The following CRYBG1 variants were observed in gnomAD, a reference collection of about 807,000 sequenced individuals.
CRYBG1 encodes beta/gamma crystallin domain-containing protein 1.
A neutral mutation model predicts 189.2 loss-of-function variants in CRYBG1; 139 were observed. That is an observed-to-expected ratio of 0.73 (90% CI 0.64 to 0.85). The LOEUF is 0.85. Among genes scored for constraint, CRYBG1 ranks in the 40% least tolerant of loss-of-function variants. CRYBG1 has a pLI of 0.00. For missense variants in CRYBG1, 2,611 were observed against 2,675.8 expected (o/e 0.98, Z 0.53); for synonymous variants, 1,023 against 1,017.1 (o/e 1.01, Z -0.11).
At position 106,512,997 on chromosome 6, in the gene CRYBG1, A is replaced by G. The variant is rs1299382250; in HGVS notation, c.1880A>G (p.His627Arg). 4 of 1,609,506 alleles carry G rather than the reference A, an allele frequency of 2.5e-6. No individual in the cohort carries two copies. The highest frequency in any genetic ancestry group is 2.2e-5 in the East Asian group (1 of 44,874). ...GCCGACGGCTTGAAGCCCAGGAACC[A>G]TTTCGGCGTGGGCAGGTCGACAGTG... is the stretch of plus-strand genomic sequence containing the variant. Reference protein sequence around the residue: ...SDADGLKPRNHFGVGRSTVTT... With the variant: ...SDADGLKPRNRFGVGRSTVTT... The change falls in exon 3 of 22, where the codon CAT (histidine) becomes CGT (arginine). Residue 627 changes from histidine to arginine, a missense_variant. Around this residue, in one of 3 missense-constraint regions of CRYBG1, gnomAD observed 985 missense variants for 924.4 expected, o/e 1.07. Transcript: ENST00000633556.
Position 106,519,915 on chromosome 6 carries a change from A to G in CRYBG1, c.2707A>G (p.Lys903Glu), listed in dbSNP as rs764616273. 32 of 1,614,056 alleles carry G rather than the reference A, an allele frequency of 2.0e-5. No individual in the cohort carries two copies. Among genetic ancestry groups the G allele is most frequent in the Non-Finnish European group, 2.7e-5 (32 of 1,180,044 alleles). The stretch of plus-strand genomic sequence containing the variant: ...AAGCAGTTTCCCATGCACTGATCTA[A>G]AAGTGTCAGAAAACCATAAAGGATG... ...PISSFPCTDL[K>E]VSENHKGCVL... is the part of the protein sequence containing the mutation. Residue 903 changes from lysine to glutamate, a missense_variant, in exon 4 of 22, where the codon AAA becomes GAA. Physicochemically the swap from Lys to Glu is moderately conservative, Grantham distance 56. Coordinates refer to ENST00000633556, the MANE Select transcript of CRYBG1 (RefSeq NM_001371242.2).
At chr6:106,539,860 A>G (rs931125159) in intron 9 of CRYBG1, among the ~76,000 whole-genome samples, 1 of 152,230 alleles carries the variant, frequency 6.6e-6, no homozygotes, top group African/African-American at 2.4e-5. Flanking sequence ...AAACAGGACA[A>G]AGATACATAC....
chr6:106,538,120 G>A (rs992242720), intron 8 of CRYBG1, among the ~76,000 whole-genome samples: 2 of 151,796 alleles, frequency 1.3e-5, no homozygotes, highest in African/African-American at 2.4e-5. Flanking sequence ...AAAACTAACC[G>A]AATTGATGAG....
At chr6:106,418,373 G>T (rs1771063985) in intron 1 of CRYBG1, among the ~76,000 whole-genome samples, 1 of 152,262 alleles carries the variant, frequency 6.6e-6, no homozygotes, top group South Asian at 2.1e-4. Context: ...TCTGGGACCA[G>T]CAGTCTGATC....
chr6:106,386,244 G>A (rs916558447), intron 1 of CRYBG1, among the ~76,000 whole-genome samples: 1 of 152,006 alleles, frequency 6.6e-6, no homozygotes, highest in African/African-American at 2.4e-5. Flanking sequence ...CTAATCACTG[G>A]GTCTTTCCCC....
At chr6:106,420,860 G>A (rs916072103) in intron 1 of CRYBG1, 2 of 152,198 alleles carry the variant, frequency 1.3e-5, no homozygotes, top group African/African-American at 4.8e-5. Context: ...TTACATTTTT[G>A]GTAAGCCTCT....
At chr6:106,374,879 A>G (rs1360234735) in intron 1 of CRYBG1, among the ~76,000 whole-genome samples, 1 of 152,244 alleles carries the variant, frequency 6.6e-6, no homozygotes, top group Non-Finnish European at 1.5e-5. Context: ...TAAATTAAAC[A>G]TGTACTTACG....
chr6:106,482,191 C>A (rs1332238166), intron 2 of CRYBG1, among the ~76,000 whole-genome samples: 1 of 152,200 alleles, frequency 6.6e-6, no homozygotes, highest in African/African-American at 2.4e-5. Flanking sequence ...TTGTAGAACT[C>A]ATAGCAACTT....
intron 1 of CRYBG1, chr6:106,449,270 T>A (rs1771730888): frequency 6.6e-6 from 1 of 152,208 alleles, no homozygotes; most frequent in East Asian, 1.9e-4. Flanking sequence ...ATCTCTCTTG[T>A]CACTTGGAGT....
chr6:106,544,670 G>A lies in CRYBG1; in HGVS notation c.5139G>A (p.Glu1713=). The A allele has an allele frequency of 6.2e-7, 1 of 1,614,106 alleles. No homozygotes were observed. Among genetic ancestry groups the A allele is most frequent in the Non-Finnish European group, 8.5e-7 (1 of 1,179,984 alleles). Residue 1713 remains glutamate (E), a synonymous_variant, in exon 12 of 22, where the codon GAG becomes GAA. Coordinates refer to ENST00000633556, the MANE Select transcript of CRYBG1 (RefSeq NM_001371242.2). ...DWKAWGGYNG[E]LQSLRPILGD... is the part of the protein sequence containing the mutation. The stretch of plus-strand genomic sequence containing the variant: ...AAGCCTGGGGAGGTTACAATGGAGA[G>A]CTTCAGTCTTTACGACCTATATTAG...
At chr6:106,468,854 G>A (rs890244490) in intron 2 of CRYBG1, among the ~76,000 whole-genome samples, 1 of 152,132 alleles carries the variant, frequency 6.6e-6, no homozygotes, top group Admixed American at 6.5e-5. Flanking sequence ...ACATTGTAAG[G>A]GTCTCCTAAT....
rs191355443 is a variant in CRYBG1, at chr6:106,379,115, T to C, written c.173+18034T>C. ...AGTGAGTTGAGATCGCGCCACTGCA[T>C]TTCAGCCTGGGCGATAGAGCCAGAC... On this transcript the variant is annotated intron_variant, in intron 1 of 21. Transcript: ENST00000633556. Among the ~76,000 whole-genome samples, 626 of 152,172 alleles carry C rather than the reference T, an allele frequency of 4.1e-3. 2 individuals are homozygous for C. Among genetic ancestry groups the C allele is most frequent in the African/African-American group, 0.014 (577 of 41,524 alleles).
intron 6 of CRYBG1, among the ~76,000 whole-genome samples, chr6:106,526,959 AGAG>A (rs376914161): frequency 7.1e-6 from 1 of 141,470 alleles, no homozygotes; most frequent in Non-Finnish European, 1.6e-5. Flanking sequence ...AAAAAAAAAA[AGAG>A]ACAAAAAAAA....
chr6:106,558,340 A>C, intron 17 of CRYBG1, 146 bp from the exon 18 acceptor site: 1 of 619,378 alleles, frequency 1.6e-6, no homozygotes, highest in Non-Finnish European at 2.7e-6. Flanking sequence ...GTACACAAAC[A>C]TCCAGGCTCC....
At chr6:106,470,960 G>A (rs1297804085) in intron 2 of CRYBG1, among the ~76,000 whole-genome samples, 3 of 152,164 alleles carry the variant, frequency 2.0e-5, no homozygotes, top group African/African-American at 7.2e-5. Flanking sequence ...GCCTGAACTT[G>A]GGTTTTTTGC....
chr6:106,473,583 G>A (rs1033359273), intron 2 of CRYBG1, among the ~76,000 whole-genome samples: 1 of 152,076 alleles, frequency 6.6e-6, no homozygotes, highest in Non-Finnish European at 1.5e-5. Flanking sequence ...GACAACAGGG[G>A]GGCAAAAGAC....
chr6:106,497,947 TA>T (rs1772891445), intron 2 of CRYBG1, among the ~76,000 whole-genome samples: 4 of 151,340 alleles, frequency 2.6e-5, no homozygotes. Flanking sequence ...AAAAAAAAAT[TA>T]AAAATAGCTG....
At chr6:106,444,677 G>A (rs984275546) in intron 1 of CRYBG1, among the ~76,000 whole-genome samples, 1 of 152,196 alleles carries the variant, frequency 6.6e-6, no homozygotes, top group African/African-American at 2.4e-5. Context: ...AACTTTCACA[G>A]ACTCGGTAGC....
chr6:106,502,830 C>T (rs1374208428), intron 2 of CRYBG1, among the ~76,000 whole-genome samples: 2 of 152,198 alleles, frequency 1.3e-5, no homozygotes, highest in Non-Finnish European at 2.9e-5. Context: ...TAAAAAAAAC[C>T]TTAGGCTTCA....
Sources: gnomAD v4.1 joint callset for allele counts (sites outside exome capture counted in the v4.1 genomes callset) on GRCh38, gnomAD v4.1.1 for gene constraint, gnomAD v4.1.1 regional missense constraint, MANE v1.5 for transcripts, NCBI Gene and HGNC (gene_info 2026-07-23, HGNC 2026-07-21) for gene names.